The following CECR2 variants were observed in gnomAD, a reference collection of about 807,000 sequenced individuals.
The protein encoded by CECR2 is CECR2 histone acetyl-lysine reader, also known as chromatin remodeling regulator CECR2.
CECR2 carries 30 observed loss-of-function variants against 154.5 expected under a neutral mutation model. That is an observed-to-expected ratio of 0.19 (90% CI 0.15 to 0.26). The LOEUF (loss-of-function observed/expected upper bound fraction) is 0.26, where lower values mean the gene tolerates loss of function less well. Among genes scored for constraint, CECR2 ranks in the 10% least tolerant of loss-of-function variants. CECR2 has a pLI of 1.00. For synonymous variants in CECR2, 725 were observed against 683.7 expected (o/e 1.06, Z -0.94); for missense variants, 1,743 against 1,829.3 (o/e 0.95, Z 0.86).
At position 17,459,324 on chromosome 22, in the gene CECR2, C is replaced by T. The variant is rs577356067; in HGVS notation, c.127-18264C>T. ...TGCCCTGCCCGGCCCTGCATCCCAG[C>T]CCTGTGTCCCAGCCTAGAGCATAGT... On this transcript the variant is annotated intron_variant, in intron 1 of 18. Coordinates refer to ENST00000262608, the MANE Select transcript of CECR2 (RefSeq NM_001290047.2). 2.0e-4 allele frequency among the ~76,000 whole-genome samples: 31 copies of T among 152,336 alleles called. No homozygotes were observed. In the East Asian group the frequency reaches 5.8e-3, roughly 28 times the overall value.
intron 8 of CECR2, 149 bp from the exon 9 acceptor site, chr22:17,523,969 T>G (rs2056205744): frequency 1.6e-6 from 1 of 633,134 alleles, no homozygotes; most frequent in Admixed American, 2.9e-5. Flanking sequence ...TATCCATGTG[T>G]ATTTTACAGA....
chr22:17,540,900 G>T, intron 14 of CECR2, 100 bp downstream of exon 14: 1 of 1,257,532 alleles, frequency 8.0e-7, no homozygotes, highest in African/African-American at 1.5e-5. Flanking sequence ...ATACTTACGT[G>T]TATGTATGGA....
intron 1 of CECR2, among the ~76,000 whole-genome samples, chr22:17,454,780 T>A (rs898163895): frequency 6.6e-6 from 1 of 152,192 alleles, no homozygotes; most frequent in East Asian, 1.9e-4. Context: ...GTTTTAATTT[T>A]AAGCATACCA....
chr22:17,428,800 G>GTGTGTGTGTGTGTGTGTA (rs1439480299), intron 1 of CECR2, among the ~76,000 whole-genome samples: 2 of 142,182 alleles, frequency 1.4e-5, no homozygotes, highest in Non-Finnish European at 3.1e-5. Flanking sequence ...GTTTTTATTT[G>GTGTGTGTGTGTGTGTGTA]TGTGTGTGTG....
At chr22:17,463,031 A>G (rs964394832) in intron 1 of CECR2, among the ~76,000 whole-genome samples, 7 of 152,262 alleles carry the variant, frequency 4.6e-5, no homozygotes, top group Admixed American at 3.9e-4. Flanking sequence ...CAGAAAATAA[A>G]TGCATATAAT....
intron 1 of CECR2, among the ~76,000 whole-genome samples, chr22:17,383,324 AT>A (rs1358608644): frequency 1.3e-5 from 2 of 152,186 alleles, no homozygotes; most frequent in Non-Finnish European, 2.9e-5. Flanking sequence ...TTCATGAAAG[AT>A]TTCTCCATAG....
intron 9 of CECR2, among the ~76,000 whole-genome samples, chr22:17,530,383 A>G (rs2056335805): frequency 6.6e-6 from 1 of 151,974 alleles, no homozygotes; most frequent in Admixed American, 6.6e-5. Context: ...ATTAAGAAAA[A>G]AAAAATAAGG....
chr22:17,462,975 A>G (rs2054966909), intron 1 of CECR2, among the ~76,000 whole-genome samples: 1 of 152,244 alleles, frequency 6.6e-6, no homozygotes, highest in Non-Finnish European at 1.5e-5. Flanking sequence ...CACAAACCCA[A>G]AGCAGACAAA....
chr22:17,495,723 G>A (rs1209434727), intron 2 of CECR2, among the ~76,000 whole-genome samples: 4 of 151,644 alleles, frequency 2.6e-5, no homozygotes, highest in Non-Finnish European at 4.4e-5. Context: ...TTAGCTGGGC[G>A]TGGTGGCAGG....
intron 4 of CECR2, among the ~76,000 whole-genome samples, chr22:17,499,833 C>T (rs981356064): frequency 1.3e-5 from 2 of 152,174 alleles, no homozygotes; most frequent in African/African-American, 4.8e-5. Flanking sequence ...CAGGTTTCTT[C>T]TCAGCAGCAC....
At chr22:17,497,266 G>A in intron 2 of CECR2, 137 bp from the exon 3 acceptor site, 1 of 812,456 alleles carries the variant, frequency 1.2e-6, no homozygotes, top group Non-Finnish European at 1.9e-6. Flanking sequence ...CTCTAGCCTG[G>A]ATGACAGAGC....
At chr22:17,362,176 G>A (rs1163520954) in intron 1 of CECR2, among the ~76,000 whole-genome samples, 2 of 152,074 alleles carry the variant, frequency 1.3e-5, no homozygotes, top group African/African-American at 2.4e-5. Context: ...CCAAGTAGCT[G>A]GGATTACAGG....
At chr22:17,541,362 T>A (rs752478733) in intron 14 of CECR2, among the ~76,000 whole-genome samples, 1 of 152,180 alleles carries the variant, frequency 6.6e-6, no homozygotes, top group South Asian at 2.1e-4. Context: ...AAAGAATTGC[T>A]TGAACCCAGG....
At chr22:17,455,698 C>G (rs1330568083) in intron 1 of CECR2, among the ~76,000 whole-genome samples, 1 of 152,240 alleles carries the variant, frequency 6.6e-6, no homozygotes, top group Non-Finnish European at 1.5e-5. Context: ...ACTGCAACCT[C>G]CATCTCCTGG....
In CECR2 at chr22:17,447,033, C is replaced by CTGTTTTTTTTTTTTTTTTTTTTTTTTTT. The variant is rs1339121774; in HGVS notation, c.127-30554_127-30553insGTTTTTTTTTTTTTTTTTTTTTTTTTTT. Among the ~76,000 whole-genome samples the CTGTTTTTTTTTTTTTTTTTTTTTTTTTT allele has an allele frequency of 1.1e-4, 12 of 114,104 alleles. 3 individuals are homozygous for CTGTTTTTTTTTTTTTTTTTTTTTTTTTT. The highest frequency in any genetic ancestry group is 3.4e-4 in the African/African-American group (9 of 26,696). The allele number at this position is 114,104 out of a possible 152,430, so 74.9% of individuals were successfully genotyped here. ...GAGTGCTGAGTGGTGCGTTTACAAT[C>CTGTTTTTTTTTTTTTTTTTTTTTTTTTT]TTTTTTTTTTTTTTTTTTTGAGACA... is the stretch of plus-strand genomic sequence containing the variant. On this transcript the variant is annotated intron_variant, in intron 1 of 18. Transcript: ENST00000262608.
At chr22:17,435,684 TA>T (rs10694414) in intron 1 of CECR2, among the ~76,000 whole-genome samples, 12,163 of 90,832 alleles carry the variant, frequency 0.13, 593 homozygotes, top group Non-Finnish European at 0.16. Context: ...TTTTAATTCT[TA>T]AAAAAAAAAA....
chr22:17,367,695 C>T (rs201737633), upstream of CECR2, among the ~76,000 whole-genome samples: 4 of 152,152 alleles, frequency 2.6e-5, no homozygotes, highest in Non-Finnish European at 5.9e-5. Context: ...CCAACTCACA[C>T]AGAGGAAAAA....
At chr22:17,364,170 C>T (rs1351803108) in intron 1 of CECR2, among the ~76,000 whole-genome samples, 6 of 151,368 alleles carry the variant, frequency 4.0e-5, no homozygotes, top group South Asian at 2.1e-4. Context: ...GGTGAAACCC[C>T]GTCTCTACTA....
At chr22:17,505,362 G>C (rs2055820829) in intron 7 of CECR2, among the ~76,000 whole-genome samples, 2 of 151,836 alleles carry the variant, frequency 1.3e-5, no homozygotes, top group South Asian at 2.1e-4. Flanking sequence ...AAATCTTGTG[G>C]GTTTGTCTTT....
Sources: allele counts gnomAD v4.1 joint callset (sites outside exome capture counted in the v4.1 genomes callset), GRCh38; gene constraint gnomAD v4.1.1; transcripts MANE v1.5; gene names NCBI Gene and HGNC (gene_info 2026-07-23, HGNC 2026-07-21).